FES: variants seen among roughly 807,000 people sequenced by gnomAD.
FES encodes the protein tyrosine-protein kinase Fes/Fps.
FES carries 83 observed loss-of-function variants against 109.6 expected under a neutral mutation model. That is an observed-to-expected ratio of 0.76 (90% CI 0.63 to 0.91). FES has a LOEUF of 0.91. FES is among the 40% of genes least tolerant of loss of function. The pLI, the probability that FES is intolerant of heterozygous loss-of-function variation, is 0.00. For missense variants in FES, 943 were observed against 1,070.9 expected, an observed-to-expected ratio of 0.88 and a Z score of 1.67; for synonymous variants, 458 against 442.1, an observed-to-expected ratio of 1.04 and a Z score of -0.45.
chr15:90,892,770 T>C lies in FES; in HGVS notation c.1771T>C (p.Ser591Pro), dbSNP rs1319434802. 6.2e-7 allele frequency: 1 copy of C among 1,613,514 alleles called. No homozygotes were observed. The highest frequency in any genetic ancestry group is 8.5e-7 in the Non-Finnish European group (1 of 1,179,924). ...RADNTLVAVK[S>P]CRETLPPDLK... ...CGACAACACCCTGGTGGCGGTGAAG[T>C]CTTGTCGAGAGACGCTCCCACCTGA... Residue 591 changes from serine (S) to proline (P), a missense_variant, in exon 14 of 19, where the codon TCT (serine) becomes CCT (proline). Coordinates refer to ENST00000328850, the MANE Select transcript of FES (RefSeq NM_002005.4).
Position 90,892,559 on chromosome 15 carries a change from C to G in FES, c.1708-148C>G, listed in dbSNP as rs537792530. The G allele has an allele frequency of 4.5e-6, 3 of 668,090 alleles. No individual in the cohort carries two copies. In the East Asian group the frequency reaches 8.3e-5, roughly 18 times the overall value. The allele number at this position is 668,090 out of a possible 1,614,324, so 41.4% of individuals were successfully genotyped here. Reference sequence around the variant, plus strand: ...CTGCCCCATGTGCTCTCTAGGTTCCCCAGCGAGGGTCAAACTCCCAGAGAG... The same window carrying G: ...CTGCCCCATGTGCTCTCTAGGTTCCGCAGCGAGGGTCAAACTCCCAGAGAG... On this transcript the variant is annotated intron_variant, in intron 13 of 18. Transcript: ENST00000328850.
At position 90,891,134 on chromosome 15, in the gene FES, C is replaced by T. The variant is rs139460083; in HGVS notation, c.1473C>T (p.Tyr491=). The change falls in exon 11 of 19, where the codon TAC becomes TAT. Residue 491 remains tyrosine, a synonymous_variant. Transcript: ENST00000328850. Reference sequence around the variant, plus strand: ...GGGAGAGCCAGGGCAAGCAGGAGTACGTGCTGTCGGTGCTGTGGGATGGTC... The same window carrying T: ...GGGAGAGCCAGGGCAAGCAGGAGTATGTGCTGTCGGTGCTGTGGGATGGTC... ...LVRESQGKQE[Y]VLSVLWDGLP... 2.3e-5 allele frequency: 36 copies of T among 1,577,800 alleles called. No homozygotes were observed. Among genetic ancestry groups the T allele is most frequent in the African/African-American group, 1.1e-4 (8 of 74,378 alleles).
rs1226291102 is a variant in FES at position 90,887,326 on chromosome 15, G to A, written c.624G>A (p.Leu208=). Residue 208 remains leucine, a synonymous_variant, in exon 5 of 19, where the codon CTG becomes CTA. Coordinates refer to ENST00000328850, the MANE Select transcript of FES (RefSeq NM_002005.4). The stretch of plus-strand genomic sequence containing the variant: ...ACCACCAGCTCCTGCTGCCCGGCCT[G>A]CTGCGGTCACTGCAGGACCTGCACG... ...QHHHQLLLPG[L]LRSLQDLHEE... is the part of the protein sequence containing the mutation. 1.9e-6 allele frequency: 3 copies of A among 1,613,028 alleles called. No homozygotes were observed. In the Admixed American group the frequency reaches 5.0e-5, roughly 27 times the overall value.
chr15:90,887,397 C>G (rs1238059229), intron 5 of FES, 27 bp downstream of exon 5: 3 of 1,584,290 alleles, frequency 1.9e-6, no homozygotes, highest in African/African-American at 2.7e-5. Flanking sequence ...GTCCCCTGGC[C>G]CCCACCCTTG....
chr15:90,890,251 G>C lies in FES; in HGVS notation c.1209G>C (p.Gln403His). 6.3e-7 allele frequency: 1 copy of C among 1,594,918 alleles called. No individual in the cohort carries two copies. The highest frequency in any genetic ancestry group is 8.5e-7 in the Non-Finnish European group (1 of 1,174,464). Residue 403 changes from glutamine (Q) to histidine (H), a missense_variant, in exon 9 of 19, where the codon CAG (glutamine) becomes CAC (histidine). Transcript: ENST00000328850. ...PGEPPPVLLL[Q>H]DDRHSTSSSE... ...AGCCCCCGCCTGTGCTGCTCCTGCAGGATGACCGCCACTCCACGTCGTCCT... is the reference window on the plus strand; with the variant it reads ...AGCCCCCGCCTGTGCTGCTCCTGCACGATGACCGCCACTCCACGTCGTCCT...
chr15:90,892,090 G>T lies in FES; in HGVS notation c.1686G>T (p.Val562=). The T allele has an allele frequency of 6.2e-7, 1 of 1,614,112 alleles. No homozygotes were observed. Residue 562 remains valine (V), a synonymous_variant, in exon 13 of 19, where the codon GTG becomes GTT. Coordinates refer to ENST00000328850, the MANE Select transcript of FES (RefSeq NM_002005.4). ...GGGTGCTGAACCATGAGGACCTGGT[G>T]TTGGGTGAGCAGATTGGACGGGTGA... ...DKWVLNHEDL[V]LGEQIGRGNF... is the part of the protein sequence containing the mutation.
In FES at chr15:90,885,663, C is replaced by G. The variant is rs981506498; in HGVS notation, c.387+78C>G. 38 of 1,522,040 alleles carry G rather than the reference C, an allele frequency of 2.5e-5. 1 individual carries two copies. Among genetic ancestry groups the G allele is most frequent in the Non-Finnish European group, 8.8e-7 (1 of 1,137,414 alleles). The allele number at this position is 1,522,040 out of a possible 1,614,324, so 94.3% of individuals were successfully genotyped here. On this transcript the variant is annotated intron_variant, in intron 3 of 18. Transcript: ENST00000328850. ...GAAGGGGTTGTTTTGCACAAGAGGC[C>G]CTGGATTCACTGGGGAAGTGTAAGT...
In FES at chr15:90,891,069, G is replaced by A. The variant is rs377147995; in HGVS notation, c.1408G>A (p.Val470Met). 6.3e-7 allele frequency: 1 copy of A among 1,597,780 alleles called. No homozygotes were observed. The highest frequency in any genetic ancestry group is 1.3e-5 in the African/African-American group (1 of 74,798). ...WYHGAIPRAE[V>M]AELLVHSGDF... is the part of the protein sequence containing the mutation. ...CCACGGGGCCATCCCGAGGGCAGAG[G>A]TGGCTGAGCTGCTGGTGCACTCTGG... Residue 470 changes from valine to methionine, a missense_variant, in exon 11 of 19, where the codon GTG becomes ATG. Coordinates refer to ENST00000328850, the MANE Select transcript of FES (RefSeq NM_002005.4).
rs141297480 is a variant in FES at position 90,890,289 on chromosome 15, C to T, written c.1236+11C>T. 7,907 of 1,586,928 alleles carry T rather than the reference C, an allele frequency of 5.0e-3. 25 individuals are homozygous for T. Among genetic ancestry groups the T allele is most frequent in the Middle Eastern group, 0.017 (100 of 5,838 alleles). On this transcript the variant is annotated intron_variant, in intron 9 of 18. Transcript: ENST00000328850. ...TCCACGTCGTCCTCGGTGAGCTGCC[C>T]CATCCGCGGCCGCTGCCCGCCACCG... is the stretch of plus-strand genomic sequence containing the variant.
Position 90,890,432 on chromosome 15 carries a change from C to T in FES, c.1268C>T (p.Thr423Met), listed in dbSNP as rs1417576519. The change falls in exon 10 of 19, where the codon ACG (threonine) becomes ATG (methionine). Residue 423 changes from threonine (T) to methionine (M), a missense_variant. Physicochemically the swap from Thr to Met is moderately conservative, Grantham distance 81 (BLOSUM62 -1). Coordinates refer to ENST00000328850, the MANE Select transcript of FES (RefSeq NM_002005.4). ...EQEREGGRTP[T>M]LEILKSHISG... ...GAGCGAGAGGGGGGAAGGACACCCA[C>T]GCTGGAGATCCTTAAGAGCCACATC... 6 of 1,613,126 alleles carry T rather than the reference C, an allele frequency of 3.7e-6. No homozygotes were observed. The highest frequency in any genetic ancestry group is 2.7e-5 in the African/African-American group (2 of 74,898).
rs1412458451 is a variant in FES at position 90,885,428 on chromosome 15, C to A, written c.230C>A (p.Thr77Asn). ...SPISQSWAEI[T>N]SQTEGLSRLL... ...GCTGTATAGTCCTGGGCTGAGATCA[C>A]CAGCCAAACTGAGGGCCTGAGCCGC... The change falls in exon 3 of 19, where the codon ACC (threonine) becomes AAC (asparagine). Residue 77 changes from threonine to asparagine, a missense_variant. Thr to Asn is a moderately conservative substitution (Grantham distance 65, BLOSUM62 0). Transcript: ENST00000328850. 2.5e-6 allele frequency: 4 copies of A among 1,612,654 alleles called. No homozygotes were observed. Among genetic ancestry groups the A allele is most frequent in the Non-Finnish European group, 3.4e-6 (4 of 1,179,788 alleles).
chr15:90,891,087 C>T lies in FES; in HGVS notation c.1426C>T (p.His476Tyr). The T allele has an allele frequency of 1.3e-6, 2 of 1,593,730 alleles. No individual in the cohort carries two copies. Among genetic ancestry groups the T allele is most frequent in the African/African-American group, 1.3e-5 (1 of 74,848 alleles). The change falls in exon 11 of 19, where the codon CAC becomes TAC. Residue 476 changes from histidine (H) to tyrosine (Y), a missense_variant. Coordinates refer to ENST00000328850, the MANE Select transcript of FES (RefSeq NM_002005.4). ...GGCAGAGGTGGCTGAGCTGCTGGTG[C>T]ACTCTGGGGACTTCCTGGTGCGGGA... ...PRAEVAELLVHSGDFLVRESQ... is the reference protein window; with the variant it reads ...PRAEVAELLVYSGDFLVRESQ...
intron 5 of FES, among the ~76,000 whole-genome samples, chr15:90,887,646 C>T (rs1056279072): frequency 3.3e-5 from 5 of 152,198 alleles, no homozygotes; most frequent in African/African-American, 1.2e-4. Context: ...AAACATCTGT[C>T]CTCAGGGATC....
At chr15:90,884,995 C>A in intron 1 of FES, 42 bp from the exon 2 acceptor site, 1 of 1,510,600 alleles carries the variant, frequency 6.6e-7, no homozygotes, top group Non-Finnish European at 8.9e-7. Flanking sequence ...CCGTCTCCAG[C>A]TGCTGCCTTG....
In FES at chr15:90,890,224, C is replaced by A; in HGVS notation, c.1182C>A (p.Gly394=). Reference sequence around the variant, plus strand: ...CCAAGCTGGAGCACCTGGGCCCCGGCGAGCCCCCGCCTGTGCTGCTCCTGC... The same window carrying A: ...CCAAGCTGGAGCACCTGGGCCCCGGAGAGCCCCCGCCTGTGCTGCTCCTGC... ...LQTKLEHLGP[G]EPPPVLLLQD... The change falls in exon 9 of 19, where the codon GGC becomes GGA. Residue 394 remains glycine, a synonymous_variant. Transcript: ENST00000328850. The A allele has an allele frequency of 6.3e-7, 1 of 1,599,416 alleles. No homozygotes were observed. Among genetic ancestry groups the A allele is most frequent in the Non-Finnish European group, 8.5e-7 (1 of 1,178,384 alleles).
At position 90,892,070 on chromosome 15, in the gene FES, C is replaced by T. The variant is rs367543694; in HGVS notation, c.1666C>T (p.Leu556=). Residue 556 remains leucine, a synonymous_variant, in exon 13 of 19, where the codon CTG becomes TTG. Coordinates refer to ENST00000328850, the MANE Select transcript of FES (RefSeq NM_002005.4). ...HRAVPKDKWV[L]NHEDLVLGEQ... is the part of the protein sequence containing the mutation. ...CTCTCTTCCCCAGGACAAGTGGGTG[C>T]TGAACCATGAGGACCTGGTGTTGGG... The T allele has an allele frequency of 3.1e-6, 5 of 1,614,032 alleles. No homozygotes were observed. The African/African-American group carries it at 6.7e-5, about 22-fold the overall frequency.
chr15:90,892,212 T>G, intron 13 of FES, 101 bp downstream of exon 13: 1 of 1,326,142 alleles, frequency 7.5e-7, no homozygotes, highest in Non-Finnish European at 1.1e-6. Flanking sequence ...CCCCATCTGA[T>G]TCCCCACTTG....
At chr15:90,890,881 G>A in intron 10 of FES, 101 bp from the exon 11 acceptor site, 1 of 1,192,230 alleles carries the variant, frequency 8.4e-7, no homozygotes. Flanking sequence ...ATGGTTGTAA[G>A]GGCTGAGGGC....
rs556052148 is a variant in FES at position 90,889,767 on chromosome 15, A to G, written c.927-73A>G. On this transcript the variant is annotated intron_variant, in intron 7 of 18. Transcript: ENST00000328850. The surrounding 1 kb of genome is among the most constrained non-coding windows in gnomAD (Gnocchi z 6.1). ...CAGGTGGCCGGGCTTGCTTGGCTCT[A>G]CAGGGATGCACTGGACCTGGGTTGA... 10 of 1,607,366 alleles carry G rather than the reference A, an allele frequency of 6.2e-6. No individual in the cohort carries two copies. Among genetic ancestry groups the G allele is most frequent in the African/African-American group, 1.3e-5 (1 of 74,836 alleles).
Sources: allele counts gnomAD v4.1 joint callset (sites outside exome capture counted in the v4.1 genomes callset), GRCh38; gene constraint gnomAD v4.1.1; non-coding constraint Gnocchi (gnomAD v3.1); transcripts MANE v1.5; gene names NCBI Gene and HGNC (gene_info 2026-07-23, HGNC 2026-07-21).